Variants in CTTNBP2 observed in about 807,000 individuals in gnomAD.
The protein encoded by CTTNBP2 is cortactin-binding protein 2.
Under a neutral mutation model 156.9 loss-of-function variants are expected in CTTNBP2, and 108 were observed. That is an observed-to-expected ratio of 0.69 (90% CI 0.59 to 0.81). CTTNBP2 has a LOEUF of 0.81. CTTNBP2 is among the 30% of genes least tolerant of loss of function. CTTNBP2 has a pLI of 0.00. For synonymous variants in CTTNBP2, 767 were observed against 751.8 expected (o/e 1.02, Z -0.33); for missense variants, 1,924 against 2,035.4 (o/e 0.95, Z 1.05).
At chr7:117,732,944 T>C (rs4730799) in intron 16 of CTTNBP2, among the ~76,000 whole-genome samples, 45,984 of 152,038 alleles carry the variant, frequency 0.3, 8,033 homozygotes, top group African/African-American at 0.46. Flanking sequence ...ATAACTCTTT[T>C]ATATTTTTTA....
chr7:117,797,071 G>C (rs1176851188), intron 3 of CTTNBP2, among the ~76,000 whole-genome samples: 1 of 152,218 alleles, frequency 6.6e-6, no homozygotes, highest in Non-Finnish European at 1.5e-5. Context: ...CTCAGCTGGA[G>C]GCAATTCCCT....
intron 1 of CTTNBP2, among the ~76,000 whole-genome samples, chr7:117,870,553 C>T (rs1262997239): frequency 6.6e-6 from 1 of 152,208 alleles, no homozygotes; most frequent in Non-Finnish European, 1.5e-5. Flanking sequence ...TGTCTATTAG[C>T]TGCTCCAGAA....
At chr7:117,847,455 A>C (rs1218713473) in intron 2 of CTTNBP2, among the ~76,000 whole-genome samples, 1 of 152,170 alleles carries the variant, frequency 6.6e-6, no homozygotes, top group Non-Finnish European at 1.5e-5. Flanking sequence ...AGAATTGCTT[A>C]AATCAGGAGG....
chr7:117,800,958 C>T (rs549104952), intron 3 of CTTNBP2, among the ~76,000 whole-genome samples: 1 of 152,202 alleles, frequency 6.6e-6, no homozygotes, highest in African/African-American at 2.4e-5. Context: ...GAGTATCTTG[C>T]TGCAAGTGCT....
In CTTNBP2 at chr7:117,792,879, T is replaced by A; in HGVS notation, c.415-98A>T. The A allele has an allele frequency of 2.3e-6, 2 of 878,022 alleles. No homozygotes were observed. Among genetic ancestry groups the A allele is most frequent in the Non-Finnish European group, 3.2e-6 (2 of 626,780 alleles). 54.4% of individuals were successfully genotyped at this position (878,022 alleles called of 1,614,324 possible). On this transcript the variant is annotated intron_variant, in intron 3 of 22. Transcript: ENST00000160373. This position sits in a 1 kb window ranked among gnomAD's most constrained non-coding sequence, Gnocchi z 4.2. ...AGATTTTTATTAATTTTCTAACAAT[T>A]ACATAACTCGGGTTAGCAAAAACGC... is the stretch of plus-strand genomic sequence containing the variant.
chr7:117,762,246 G>T (rs549364643), intron 9 of CTTNBP2, among the ~76,000 whole-genome samples: 3 of 152,066 alleles, frequency 2.0e-5, no homozygotes, highest in Admixed American at 2.0e-4. Flanking sequence ...GCTCTCACTC[G>T]TCTCAGGAAT....
At chr7:117,835,957 C>T (rs775721415) in intron 2 of CTTNBP2, among the ~76,000 whole-genome samples, 7 of 152,220 alleles carry the variant, frequency 4.6e-5, no homozygotes, top group Middle Eastern at 3.4e-3. Flanking sequence ...ACCTAAGTCA[C>T]GGGATTACTA....
At chr7:117,845,707 A>G (rs1178113349) in intron 2 of CTTNBP2, among the ~76,000 whole-genome samples, 3 of 152,214 alleles carry the variant, frequency 2.0e-5, no homozygotes, top group Non-Finnish European at 4.4e-5. Context: ...GAGGGTTTTC[A>G]AAATTAAAAC....
At position 117,735,285 on chromosome 7, in the gene CTTNBP2, G is replaced by C; in HGVS notation, c.3672C>G (p.Pro1224=). 6.2e-7 allele frequency: 1 copy of C among 1,613,990 alleles called. No individual in the cohort carries two copies. The highest frequency in any genetic ancestry group is 1.1e-5 in the South Asian group (1 of 90,980). ...APLENRSTES[P]CTFQKGNGLS... is the part of the protein sequence containing the mutation. ...TAGCGTTACCTTTTTGGAAAGTGCA[G>C]GGGCTTTCAGTGCTGCGATTTTCAA... The change falls in exon 15 of 23, where the codon CCC becomes CCG. Residue 1224 remains proline, a synonymous_variant. Coordinates refer to ENST00000160373, the MANE Select transcript of CTTNBP2 (RefSeq NM_033427.3).
chr7:117,821,736 C>T (rs1356296822), intron 2 of CTTNBP2, among the ~76,000 whole-genome samples: 5 of 151,874 alleles, frequency 3.3e-5, no homozygotes, highest in African/African-American at 4.8e-5. Context: ...CTACAGGCGC[C>T]GGCCACCAGG....
At chr7:117,783,636 C>T (rs2116814034) in intron 5 of CTTNBP2, among the ~76,000 whole-genome samples, 1 of 152,250 alleles carries the variant, frequency 6.6e-6, no homozygotes, top group African/African-American at 2.4e-5. Flanking sequence ...TAGAATCCTC[C>T]ATTTATCTGA....
At chr7:117,814,825 T>C (rs1387839940) in intron 2 of CTTNBP2, among the ~76,000 whole-genome samples, 1 of 152,230 alleles carries the variant, frequency 6.6e-6, no homozygotes, top group Non-Finnish European at 1.5e-5. Flanking sequence ...GTAAAAACAG[T>C]GGCTTTGTAT....
intron 9 of CTTNBP2, among the ~76,000 whole-genome samples, chr7:117,764,296 A>G (rs1797362005): frequency 6.6e-6 from 1 of 152,182 alleles, no homozygotes; most frequent in Non-Finnish European, 1.5e-5. Flanking sequence ...ACCTGACTCT[A>G]GACTTCCCAT....
chr7:117,725,265 G>A lies in CTTNBP2; in HGVS notation c.4056-8C>T, dbSNP rs748487350. On this transcript the variant is annotated splice_region_variant and splice_polypyrimidine_tract_variant and intron_variant, in intron 17 of 22. Transcript: ENST00000160373. ...CACAGCTTAGACATCCACCTAGCAG[G>A]AGAGGGACCGATTCATCCCTTAGGA... 6.2e-6 allele frequency: 10 copies of A among 1,612,858 alleles called. No individual in the cohort carries two copies. The South Asian group carries it at 1.1e-4, about 18-fold the overall frequency.
chr7:117,735,800 T>C (rs1470558078), intron 14 of CTTNBP2, among the ~76,000 whole-genome samples: 3 of 152,226 alleles, frequency 2.0e-5, no homozygotes, highest in Admixed American at 6.5e-5. Flanking sequence ...AAAGATTATA[T>C]ACAATGTGAT....
intron 22 of CTTNBP2, among the ~76,000 whole-genome samples, chr7:117,717,637 C>T (rs188395212): frequency 2.6e-4 from 39 of 151,674 alleles, no homozygotes; most frequent in African/African-American, 9.4e-4. Flanking sequence ...TCTAGGTTAT[C>T]GGATTGAAGG....
At chr7:117,788,964 C>T (rs536340437) in intron 4 of CTTNBP2, among the ~76,000 whole-genome samples, 14 of 149,852 alleles carry the variant, frequency 9.3e-5, no homozygotes, top group African/African-American at 3.5e-4. Context: ...ATCCGATTTC[C>T]GTATCTTCAG....
chr7:117,870,379 C>T (rs566210199), intron 1 of CTTNBP2, among the ~76,000 whole-genome samples: 35 of 152,332 alleles, frequency 2.3e-4, no homozygotes, highest in Admixed American at 1.2e-3. Context: ...CAATTGGCTA[C>T]GAAAGTTCTT....
Position 117,792,862 on chromosome 7 carries a change from A to G in CTTNBP2, c.415-81T>C. On this transcript the variant is annotated intron_variant, in intron 3 of 22. Transcript: ENST00000160373. The surrounding 1 kb of genome is among the most constrained non-coding windows in gnomAD (Gnocchi z 4.2). ...AGGAAATGCTTTTTGTGAGATTTTTATTAATTTTCTAACAATTACATAACT... is the reference window on the plus strand; with the variant it reads ...AGGAAATGCTTTTTGTGAGATTTTTGTTAATTTTCTAACAATTACATAACT... The G allele has an allele frequency of 9.7e-7, 1 of 1,032,974 alleles. No individual in the cohort carries two copies. The highest frequency in any genetic ancestry group is 3.3e-4 in the Middle Eastern group (1 of 3,010). The allele number at this position is 1,032,974 out of a possible 1,614,324, so 64.0% of individuals were successfully genotyped here.
Sources: gnomAD v4.1 joint callset for allele counts (sites outside exome capture counted in the v4.1 genomes callset) on GRCh38, gnomAD v4.1.1 for gene constraint, Gnocchi (gnomAD v3.1) non-coding constraint, MANE v1.5 for transcripts, NCBI Gene and HGNC (gene_info 2026-07-23, HGNC 2026-07-21) for gene names.